The following SLC23A2 variants were observed in gnomAD, a reference collection of about 807,000 sequenced individuals.
SLC23A2 encodes Na(+)/L-ascorbic acid transporter 2.
A neutral mutation model predicts 73.3 loss-of-function variants in SLC23A2; 36 were observed. The observed-to-expected ratio is 0.49, with a 90% CI of 0.38 to 0.65. The LOEUF is 0.65. Ranked by LOEUF, SLC23A2 falls within the 30% of genes least tolerant of loss-of-function variation. The pLI is 0.00. For synonymous variants in SLC23A2, 343 were observed against 327.3 expected, an observed-to-expected ratio of 1.05 and a Z score of -0.52; for missense variants, 507 against 841.6, an observed-to-expected ratio of 0.60 and a Z score of 4.92.
chr20:4,871,782 G>T (rs557552642), intron 11 of SLC23A2, among the ~76,000 whole-genome samples: 1 of 152,058 alleles, frequency 6.6e-6, no homozygotes, highest in African/African-American at 2.4e-5. Context: ...ATCAGCTCCA[G>T]GTTAATTTGG....
intron 2 of SLC23A2, among the ~76,000 whole-genome samples, chr20:4,943,306 A>G (rs1329765196): frequency 6.6e-6 from 1 of 152,082 alleles, no homozygotes; most frequent in Non-Finnish European, 1.5e-5. Context: ...GATACGAGAG[A>G]GAGGAAGAGC....
At chr20:4,965,083 A>G (rs2087454744) in intron 2 of SLC23A2, among the ~76,000 whole-genome samples, 2 of 152,136 alleles carry the variant, frequency 1.3e-5, no homozygotes, top group South Asian at 4.1e-4. Flanking sequence ...TACAGGTAAG[A>G]CAAACTAGAA....
rs777844920 is a variant in SLC23A2 at position 4,998,317 on chromosome 20, A to C, written c.-282+3089T>G. On this transcript the variant is annotated intron_variant, in intron 1 of 16. Transcript: ENST00000338244. This position sits in a 1 kb window ranked among gnomAD's most constrained non-coding sequence, Gnocchi z 4.1. ...AAGCACCAAGAATATTACCCAGCACAGATCAGGCACTCAATGTAATAAATG... is the reference window on the plus strand; with the variant it reads ...AAGCACCAAGAATATTACCCAGCACCGATCAGGCACTCAATGTAATAAATG... Among the ~76,000 whole-genome samples the C allele has an allele frequency of 1.3e-5, 2 of 152,224 alleles. No homozygotes were observed. Among genetic ancestry groups the C allele is most frequent in the Non-Finnish European group, 2.9e-5 (2 of 68,040 alleles).
At chr20:4,909,995 G>A (rs1360062575) in intron 4 of SLC23A2, among the ~76,000 whole-genome samples, 1 of 152,208 alleles carries the variant, frequency 6.6e-6, no homozygotes, top group Non-Finnish European at 1.5e-5. Flanking sequence ...GGCACACAGG[G>A]CAGCACATCC....
chr20:4,942,127 C>G (rs552774194), intron 2 of SLC23A2, among the ~76,000 whole-genome samples: 1 of 152,200 alleles, frequency 6.6e-6, no homozygotes, highest in Non-Finnish European at 1.5e-5. Flanking sequence ...GTTCCCCTTA[C>G]AGCATCTACC....
intron 1 of SLC23A2, among the ~76,000 whole-genome samples, chr20:4,986,242 G>T (rs1337860849): frequency 1.3e-5 from 2 of 152,120 alleles, no homozygotes; most frequent in African/African-American, 4.8e-5. Flanking sequence ...CAGGAGGATG[G>T]TTTGAACCCA....
At chr20:4,989,863 TAAG>T (rs1361503534) in intron 1 of SLC23A2, among the ~76,000 whole-genome samples, 1 of 151,950 alleles carries the variant, frequency 6.6e-6, no homozygotes, top group African/African-American at 2.4e-5. Flanking sequence ...TACTGAAAAA[TAAG>T]AACAACAGAG....
At chr20:4,877,575 T>C (rs1930708685) in intron 9 of SLC23A2, among the ~76,000 whole-genome samples, 1 of 152,126 alleles carries the variant, frequency 6.6e-6, no homozygotes, top group Non-Finnish European at 1.5e-5. Flanking sequence ...AATCATGAGA[T>C]TTTTTTGAGA....
chr20:4,997,352 A>T (rs1308581899), intron 1 of SLC23A2, among the ~76,000 whole-genome samples: 1 of 151,702 alleles, frequency 6.6e-6, no homozygotes, highest in African/African-American at 2.4e-5. Flanking sequence ...TCAAGACCAA[A>T]TTCTCCCCTC....
At chr20:4,864,940 G>T (rs1326488893) in intron 13 of SLC23A2, among the ~76,000 whole-genome samples, 1 of 152,238 alleles carries the variant, frequency 6.6e-6, no homozygotes, top group African/African-American at 2.4e-5. Flanking sequence ...ACATCCAGAA[G>T]ACTGATCTGC....
intron 10 of SLC23A2, 54 bp downstream of exon 10, chr20:4,874,522 T>G (rs1275007133): frequency 6.5e-7 from 1 of 1,542,584 alleles, no homozygotes; most frequent in African/African-American, 1.4e-5. Flanking sequence ...CTTAATCATC[T>G]TACATATTAA....
At chr20:4,982,971 A>G (rs1425577952) in intron 1 of SLC23A2, among the ~76,000 whole-genome samples, 1 of 151,988 alleles carries the variant, frequency 6.6e-6, no homozygotes, top group Non-Finnish European at 1.5e-5. Flanking sequence ...CGGGCATGGT[A>G]GCACACGCCT....
upstream of SLC23A2, among the ~76,000 whole-genome samples, chr20:5,001,696 C>T (rs866017279): frequency 6.6e-6 from 1 of 151,560 alleles, no homozygotes; most frequent in Non-Finnish European, 1.5e-5. Context: ...GTCCCCTTCC[C>T]GTTCCTTTCA....
At chr20:4,861,246 G>C (rs948969435) in intron 15 of SLC23A2, among the ~76,000 whole-genome samples, 2 of 152,216 alleles carry the variant, frequency 1.3e-5, no homozygotes, top group Non-Finnish European at 2.9e-5. Flanking sequence ...ACTGCTTAAT[G>C]AGTTTGGGGT....
At chr20:4,980,686 A>G (rs1259347895) in intron 1 of SLC23A2, among the ~76,000 whole-genome samples, 1 of 151,776 alleles carries the variant, frequency 6.6e-6, no homozygotes, top group Admixed American at 6.6e-5. Flanking sequence ...GGCTGCCACC[A>G]CACCCGGCTA....
At chr20:4,951,741 C>T (rs911665429) in intron 2 of SLC23A2, among the ~76,000 whole-genome samples, 2 of 152,100 alleles carry the variant, frequency 1.3e-5, no homozygotes, top group Admixed American at 6.5e-5. Flanking sequence ...TACTAAAAAC[C>T]ACTAAATTGT....
At chr20:4,932,903 C>G (rs926505681) in intron 2 of SLC23A2, among the ~76,000 whole-genome samples, 187 bp from the exon 3 acceptor site, 2 of 152,170 alleles carry the variant, frequency 1.3e-5, no homozygotes, top group African/African-American at 2.4e-5. Context: ...CCTACTGATT[C>G]TGAATTGCCC....
Position 4,853,481 on chromosome 20 carries a change from A to G in SLC23A2, c.*3491T>C, listed in dbSNP as rs1038470397. 1.3e-5 allele frequency: 2 copies of G among 152,684 alleles called. No homozygotes were observed. Among genetic ancestry groups the G allele is most frequent in the African/African-American group, 4.8e-5 (2 of 41,474 alleles). 9.5% of individuals were successfully genotyped at this position (152,684 alleles called of 1,614,324 possible). A position where few individuals can be genotyped will look rare whatever the true frequency, so the allele number is the denominator to read the frequency against. ...ACAACTTAGCTCATGGTCATAAAAT[A>G]TACGTATGGGTAAATAAAGTATACA... On this transcript the variant is annotated 3_prime_UTR_variant, in exon 17 of 17. Coordinates refer to ENST00000338244, the MANE Select transcript of SLC23A2 (RefSeq NM_005116.6).
At chr20:4,961,827 A>C (rs1466536599) in intron 2 of SLC23A2, among the ~76,000 whole-genome samples, 1 of 152,168 alleles carries the variant, frequency 6.6e-6, no homozygotes, top group Non-Finnish European at 1.5e-5. Context: ...ATCTCTAACT[A>C]AGCCACAGGG....
Sources: gnomAD v4.1 joint callset for allele counts (sites outside exome capture counted in the v4.1 genomes callset) on GRCh38, gnomAD v4.1.1 for gene constraint, Gnocchi (gnomAD v3.1) non-coding constraint, MANE v1.5 for transcripts, NCBI Gene and HGNC (gene_info 2026-07-23, HGNC 2026-07-21) for gene names.